WWOX: variants seen among roughly 807,000 people sequenced by gnomAD.
WWOX encodes WW domain-containing oxidoreductase.
A neutral mutation model predicts 46.2 loss-of-function variants in WWOX; 69 were observed. That is an observed-to-expected ratio of 1.49 (90% CI 1.23 to 1.82). The LOEUF is 1.82. WWOX is among the 40% of genes most tolerant of loss of function. WWOX has a pLI of 0.00. For synonymous variants in WWOX, 359 were observed against 202.6 expected (o/e 1.77, Z -6.56); for missense variants, 919 against 542.6 (o/e 1.69, Z -6.89).
At chr16:78,380,701 C>G (rs1488102525) in intron 5 of WWOX, among the ~76,000 whole-genome samples, 1 of 152,160 alleles carries the variant, frequency 6.6e-6, no homozygotes, top group East Asian at 1.9e-4. Context: ...GCTTTAGATA[C>G]ATTGCCTGAC....
intron 8 of WWOX, among the ~76,000 whole-genome samples, chr16:78,956,309 C>A (rs888502213): frequency 5.3e-5 from 8 of 152,112 alleles, no homozygotes; most frequent in African/African-American, 1.4e-4. Flanking sequence ...CCATACCCAG[C>A]TCATTTTTTT....
chr16:79,107,121 T>G (rs1302503103), intron 8 of WWOX, among the ~76,000 whole-genome samples: 3 of 152,198 alleles, frequency 2.0e-5, no homozygotes, highest in African/African-American at 7.2e-5. Flanking sequence ...TTTAACTTTT[T>G]GTAGAGGCAG....
intron 8 of WWOX, among the ~76,000 whole-genome samples, chr16:78,785,868 G>C (rs1597606672): frequency 6.6e-6 from 1 of 151,786 alleles, no homozygotes; most frequent in East Asian, 2.0e-4. Flanking sequence ...AGCATCTGTA[G>C]AGCGACACAC....
intron 8 of WWOX, among the ~76,000 whole-genome samples, chr16:78,612,533 G>C (rs1019763143): frequency 6.6e-6 from 1 of 152,220 alleles, no homozygotes; most frequent in African/African-American, 2.4e-5. Flanking sequence ...CCATAGTGCA[G>C]TGTACAATCA....
intron 8 of WWOX, among the ~76,000 whole-genome samples, chr16:78,547,622 G>C (rs916356430): frequency 6.6e-6 from 1 of 152,148 alleles, no homozygotes; most frequent in African/African-American, 2.4e-5. Flanking sequence ...ATTTCTCATA[G>C]TTCTTGAGGC....
In WWOX at chr16:78,764,328, C is replaced by G. The variant is rs143583723; in HGVS notation, c.1056+331576C>G. On this transcript the variant is annotated intron_variant, in intron 8 of 8. Transcript: ENST00000566780. ...TGGCCTTTTGGTCAGCATTGCAGAA[C>G]CTGGCAAGTCCTAATTCCCTGTGAG... 1.7e-3 allele frequency among the ~76,000 whole-genome samples: 262 copies of G among 151,604 alleles called. 1 individual carries two copies. Among genetic ancestry groups the G allele is most frequent in the African/African-American group, 6.2e-3 (255 of 41,364 alleles).
At chr16:78,955,878 A>C (rs566012718) in intron 8 of WWOX, among the ~76,000 whole-genome samples, 3 of 151,956 alleles carry the variant, frequency 2.0e-5, no homozygotes, top group Non-Finnish European at 2.9e-5. Flanking sequence ...TCCTGGCCTC[A>C]AGCGATCTCC....
At chr16:79,172,497 G>C (rs183281505) in intron 8 of WWOX, among the ~76,000 whole-genome samples, 1 of 152,166 alleles carries the variant, frequency 6.6e-6, no homozygotes, top group East Asian at 1.9e-4. Context: ...GCTCAGAGTA[G>C]GCCCTACATA....
chr16:78,534,592 T>C (rs971286181), intron 8 of WWOX: 1 of 152,224 alleles, frequency 6.6e-6, no homozygotes, highest in Non-Finnish European at 1.5e-5. Context: ...AGGTGAAATA[T>C]AGGGAAGATG....
chr16:78,599,376 T>A (rs2045568145), intron 8 of WWOX, among the ~76,000 whole-genome samples: 2 of 152,210 alleles, frequency 1.3e-5, no homozygotes, highest in South Asian at 4.2e-4. Context: ...GTGCATTAAA[T>A]GGGAAGGAAA....
chr16:79,135,063 A>G (rs9937633), intron 8 of WWOX, among the ~76,000 whole-genome samples: 8,940 of 152,318 alleles, frequency 0.059, 907 homozygotes, highest in African/African-American at 0.2. Context: ...AATATATACA[A>G]ATAATACATA....
intron 5 of WWOX, among the ~76,000 whole-genome samples, chr16:78,309,935 G>T (rs959725427): frequency 2.0e-5 from 3 of 152,092 alleles, no homozygotes; most frequent in Admixed American, 1.3e-4. Flanking sequence ...TTTGGGGGAG[G>T]ATTAAATTAG....
At chr16:78,951,283 C>G (rs889190202) in intron 8 of WWOX, among the ~76,000 whole-genome samples, 4 of 152,150 alleles carry the variant, frequency 2.6e-5, no homozygotes, top group African/African-American at 9.7e-5. Flanking sequence ...GGCCAGCATG[C>G]GCCCATAGCC....
chr16:78,696,345 C>T (rs1174484551), intron 8 of WWOX, among the ~76,000 whole-genome samples: 1 of 152,178 alleles, frequency 6.6e-6, no homozygotes. Flanking sequence ...CAGGCAGGGT[C>T]CTAAGTGACT....
intron 8 of WWOX, among the ~76,000 whole-genome samples, chr16:78,875,522 C>T (rs905334512): frequency 1.3e-5 from 2 of 152,182 alleles, no homozygotes; most frequent in South Asian, 4.1e-4. Context: ...GCTATTTAAT[C>T]TGTTTTTCCT....
At chr16:78,766,316 A>G (rs55968449) in intron 8 of WWOX, among the ~76,000 whole-genome samples, 17 of 152,132 alleles carry the variant, frequency 1.1e-4, no homozygotes, top group African/African-American at 4.1e-4. Context: ...TGCAGAGGAG[A>G]CCGGGCATGG....
chr16:78,530,123 G>A (rs997278958), intron 8 of WWOX, among the ~76,000 whole-genome samples: 5 of 152,124 alleles, frequency 3.3e-5, no homozygotes, highest in Non-Finnish European at 5.9e-5. Context: ...AATGCTTTTG[G>A]GCACTGGCAG....
At chr16:78,816,539 A>T (rs557816250) in intron 8 of WWOX, among the ~76,000 whole-genome samples, 1 of 100,328 alleles carries the variant, frequency 1.0e-5, no homozygotes, top group African/African-American at 3.7e-5. Context: ...TTTTGATACA[A>T]TGAGGGGAAA....
At chr16:78,542,458 A>AT (rs1398896318) in intron 8 of WWOX, among the ~76,000 whole-genome samples, 2 of 152,118 alleles carry the variant, frequency 1.3e-5, no homozygotes, top group Non-Finnish European at 2.9e-5. Flanking sequence ...TTGGTCCCAG[A>AT]TTTTTTTTGT....
Sources: allele counts gnomAD v4.1 joint callset (sites outside exome capture counted in the v4.1 genomes callset), GRCh38; gene constraint gnomAD v4.1.1; transcripts MANE v1.5; gene names NCBI Gene and HGNC (gene_info 2026-07-23, HGNC 2026-07-21).